The following MREG variants were observed in gnomAD, a reference collection of about 807,000 sequenced individuals.
MREG encodes the protein dilute suppressor protein homolog.
A neutral mutation model predicts 28.5 loss-of-function variants in MREG; 31 were observed. That is an observed-to-expected ratio of 1.09 (90% CI 0.82 to 1.47). The LOEUF (loss-of-function observed/expected upper bound fraction) is 1.47. MREG is among the 40% of genes most tolerant of loss of function. The pLI is 0.00. For synonymous variants in MREG, 106 were observed against 95.2 expected, an observed-to-expected ratio of 1.11 and a Z score of -0.66; for missense variants, 256 against 257.4, an observed-to-expected ratio of 0.99 and a Z score of 0.04.
chr2:215,965,740 C>A (rs1318877634), intron 2 of MREG, among the ~76,000 whole-genome samples: 2 of 152,000 alleles, frequency 1.3e-5, no homozygotes, highest in Non-Finnish European at 2.9e-5. Flanking sequence ...ACCTTTACTC[C>A]CTAGGAGGAA....
Position 215,944,008 on chromosome 2 carries a change from C to G in MREG, c.*855G>C, listed in dbSNP as rs943886769. 9.4e-6 allele frequency: 1 copy of G among 105,932 alleles called. No individual in the cohort carries two copies. Among genetic ancestry groups the G allele is most frequent in the African/African-American group, 3.8e-5 (1 of 26,344 alleles). 6.6% of individuals were successfully genotyped at this position (105,932 alleles called of 1,614,324 possible). A position where few individuals can be genotyped will look rare whatever the true frequency, so the allele number is the denominator to read the frequency against. ...TTTTTTTTTTTTTTTGAGACGGAGT[C>G]TCGCTCTGTCGCCCAGGCTGGAGTG... On this transcript the variant is annotated 3_prime_UTR_variant, in exon 5 of 5. Transcript: ENST00000263268.
chr2:216,003,941 T>C (rs138354819), intron 1 of MREG, among the ~76,000 whole-genome samples: 7 of 152,358 alleles, frequency 4.6e-5, no homozygotes, highest in East Asian at 3.9e-4. Flanking sequence ...GTGATCCTTT[T>C]AATATGTAAA....
chr2:215,994,847 A>T (rs2106015127), intron 2 of MREG, among the ~76,000 whole-genome samples: 1 of 152,308 alleles, frequency 6.6e-6, no homozygotes, highest in South Asian at 2.1e-4. Flanking sequence ...ATACTTTTCC[A>T]GCCCCTTTCA....
At chr2:216,023,312 T>C (rs1164137251) in intron 1 of MREG, among the ~76,000 whole-genome samples, 1 of 152,234 alleles carries the variant, frequency 6.6e-6, no homozygotes, top group Non-Finnish European at 1.5e-5. Context: ...GTTCTAAAGC[T>C]TTCTTTTACT....
chr2:216,022,405 T>C (rs1694535675), intron 1 of MREG, among the ~76,000 whole-genome samples: 1 of 152,156 alleles, frequency 6.6e-6, no homozygotes, highest in Non-Finnish European at 1.5e-5. Flanking sequence ...CACCCCCATA[T>C]TTCCCATGAT....
intron 2 of MREG, among the ~76,000 whole-genome samples, chr2:215,983,355 A>G (rs1316936718): frequency 6.6e-6 from 1 of 152,236 alleles, no homozygotes; most frequent in East Asian, 1.9e-4. Flanking sequence ...TGGCTGGTCC[A>G]CGATCAGTTC....
At chr2:216,020,984 C>G (rs7564348) in intron 1 of MREG, among the ~76,000 whole-genome samples, 2 of 151,962 alleles carry the variant, frequency 1.3e-5, no homozygotes, top group Admixed American at 1.3e-4. Flanking sequence ...CATCTGAGAC[C>G]GTCGGCAGAA....
rs540441477 is a variant in MREG, at chr2:215,989,843, A to C, written c.255+6463T>G. On this transcript the variant is annotated intron_variant, in intron 2 of 4. Transcript: ENST00000263268. ...AAATAAAGCATGAAGACAAGATTAG[A>C]GAAAAAAGAATGAAAAGGAGTAAAG... 2.0e-5 allele frequency among the ~76,000 whole-genome samples: 3 copies of C among 152,190 alleles called. No individual in the cohort carries two copies. In the East Asian group the frequency reaches 5.8e-4, roughly 30 times the overall value.
chr2:216,015,393 G>A (rs145253178), upstream of MREG, among the ~76,000 whole-genome samples: 487 of 152,250 alleles, frequency 3.2e-3, 4 homozygotes, highest in African/African-American at 0.011. Context: ...GAACTATAGG[G>A]TACCTGTGGG....
At chr2:215,996,808 T>A (rs1035201389) in intron 1 of MREG, among the ~76,000 whole-genome samples, 9 of 151,658 alleles carry the variant, frequency 5.9e-5, no homozygotes, top group South Asian at 2.1e-4. Context: ...TCTCGCTTCA[T>A]CACCCAGCAT....
intron 1 of MREG, among the ~76,000 whole-genome samples, chr2:216,006,382 T>A (rs780136127): frequency 3.3e-5 from 5 of 152,192 alleles, no homozygotes; most frequent in Non-Finnish European, 7.3e-5. Context: ...CCCTCCCCTA[T>A]CACTCCCCTG....
chr2:215,963,158 T>C (rs1253548982), intron 2 of MREG, among the ~76,000 whole-genome samples: 1 of 151,964 alleles, frequency 6.6e-6, no homozygotes, highest in African/African-American at 2.4e-5. Flanking sequence ...GTACAATTTG[T>C]CATTAAGAGT....
intron 2 of MREG, among the ~76,000 whole-genome samples, chr2:215,954,184 C>T (rs1341299640): frequency 6.6e-6 from 1 of 152,148 alleles, no homozygotes; most frequent in Non-Finnish European, 1.5e-5. Context: ...TCCAAAGATC[C>T]AAGCAAGAAG....
At chr2:215,953,148 G>A (rs2105972199) in intron 2 of MREG, among the ~76,000 whole-genome samples, 1 of 152,268 alleles carries the variant, frequency 6.6e-6, no homozygotes, top group East Asian at 1.9e-4. Flanking sequence ...TGAACACCGG[G>A]GCAGCTAATA....
chr2:216,023,675 A>G (rs1694556898), intron 1 of MREG, among the ~76,000 whole-genome samples: 1 of 151,788 alleles, frequency 6.6e-6, no homozygotes, highest in Non-Finnish European at 1.5e-5. Flanking sequence ...TATTTCTCTG[A>G]GTGTGTGTGT....
At position 216,030,927 on chromosome 2, in the gene MREG, T is replaced by TTC. The variant is rs113417580; in HGVS notation, c.-68+1860_-68+1861dup. On this transcript the variant is annotated intron_variant, in intron 1 of 3. Transcript: ENST00000420348. Reference sequence around the variant, plus strand: ...ACACACAAGCCCACTATGAGGCCCATTCTCTCTCTCTCTCTCTCTCTCTCT... The same window carrying TTC: ...ACACACAAGCCCACTATGAGGCCCATTCTCTCTCTCTCTCTCTCTCTCTCTCT... Among the ~76,000 whole-genome samples, 1,231 of 130,824 alleles carry TTC rather than the reference T, an allele frequency of 9.4e-3. 14 individuals carry two copies. Among genetic ancestry groups the TTC allele is most frequent in the Middle Eastern group, 0.016 (4 of 258 alleles). The allele number at this position is 130,824 out of a possible 152,430, so 85.8% of individuals were successfully genotyped here. A position where few individuals can be genotyped will look rare whatever the true frequency, so the allele number is the denominator to read the frequency against.
At chr2:215,991,877 C>A (rs1220043029) in intron 2 of MREG, among the ~76,000 whole-genome samples, 1 of 152,166 alleles carries the variant, frequency 6.6e-6, no homozygotes, top group Non-Finnish European at 1.5e-5. Flanking sequence ...AGACCAATAA[C>A]AAGTTCTGAA....
intron 2 of MREG, among the ~76,000 whole-genome samples, chr2:215,971,622 T>G (rs1053051363): frequency 6.6e-6 from 1 of 152,166 alleles, no homozygotes; most frequent in Admixed American, 6.5e-5. Context: ...GAAGTTCGCA[T>G]AAAGAAAGGT....
chr2:215,996,624 A>C (rs183658096), intron 1 of MREG, among the ~76,000 whole-genome samples, 159 bp from the exon 2 acceptor site: 6 of 152,368 alleles, frequency 3.9e-5, no homozygotes, highest in Admixed American at 1.3e-4. Flanking sequence ...TAAGCATAAC[A>C]CAACAGAGCA....
Sources: allele counts gnomAD v4.1 joint callset (sites outside exome capture counted in the v4.1 genomes callset), GRCh38; gene constraint gnomAD v4.1.1; transcripts MANE v1.5; gene names NCBI Gene and HGNC (gene_info 2026-07-23, HGNC 2026-07-21).